FGD3: variants seen among roughly 807,000 people sequenced by gnomAD.
The protein encoded by FGD3 is FYVE, RhoGEF and PH domain-containing protein 3.
Under a neutral mutation model 71.8 loss-of-function variants are expected in FGD3, and 45 were observed. The observed-to-expected ratio is 0.63, with a 90% confidence interval of 0.49 to 0.80. The LOEUF is 0.80. Ranked by LOEUF, FGD3 falls within the 30% of genes least tolerant of loss-of-function variation. FGD3 has a pLI of 0.00. For synonymous variants in FGD3, 378 were observed against 392.8 expected, an observed-to-expected ratio of 0.96 and a Z score of 0.44; for missense variants, 844 against 951.5, an observed-to-expected ratio of 0.89 and a Z score of 1.49.
chr9:92,996,466 C>G (rs565673524), intron 3 of FGD3, among the ~76,000 whole-genome samples: 4 of 152,204 alleles, frequency 2.6e-5, no homozygotes, highest in African/African-American at 9.6e-5. Flanking sequence ...TTTTTTGTGT[C>G]TCTGTCTCCT....
chr9:93,032,698 C>A, intron 15 of FGD3, 71 bp from the exon 16 acceptor site: 1 of 1,449,194 alleles, frequency 6.9e-7, no homozygotes. Context: ...CCCACTCTAC[C>A]TCCTCTGGCA....
chr9:92,967,045 T>C, intron 1 of FGD3, among the ~76,000 whole-genome samples: 1 of 150,964 alleles, frequency 6.6e-6, no homozygotes, highest in East Asian at 2.0e-4. Context: ...CACTGCAACC[T>C]CCATCTCCCA....
chr9:93,027,987 G>A (rs10992590), intron 14 of FGD3, among the ~76,000 whole-genome samples: 23,156 of 151,934 alleles, frequency 0.15, 1,839 homozygotes, highest in South Asian at 0.17. Context: ...CCAAAGTGCT[G>A]GAATTACATG....
chr9:93,000,743 T>C (rs1564156604), intron 3 of FGD3, among the ~76,000 whole-genome samples: 1 of 152,206 alleles, frequency 6.6e-6, no homozygotes, highest in Non-Finnish European at 1.5e-5. Flanking sequence ...GACAGTTATA[T>C]AATTATAATA....
intron 8 of FGD3, among the ~76,000 whole-genome samples, chr9:93,012,870 C>A (rs1861491027): frequency 6.6e-6 from 1 of 151,754 alleles, no homozygotes; most frequent in African/African-American, 2.4e-5. Flanking sequence ...CACACCCAGC[C>A]CTCTTAGTGC....
intron 3 of FGD3, among the ~76,000 whole-genome samples, chr9:92,999,290 T>A (rs916899161): frequency 9.2e-5 from 14 of 152,170 alleles, no homozygotes; most frequent in Non-Finnish European, 2.1e-4. Flanking sequence ...GGATATAATC[T>A]CCTGGTGTGC....
Position 92,969,275 on chromosome 9 carries a change from G to A in FGD3, c.-217-5963G>A, listed in dbSNP as rs186884775. On this transcript the variant is annotated intron_variant, in intron 1 of 17. Transcript: ENST00000375482. This position sits in a 1 kb window ranked among gnomAD's most constrained non-coding sequence, Gnocchi z 4.5. ...GGCCTGGCTGCCACCTGCTGTCGGC[G>A]GGGATGCCCCCGCATGCCTCTCTGA... Among the ~76,000 whole-genome samples, 24 of 152,286 alleles carry A rather than the reference G, an allele frequency of 1.6e-4. No individual in the cohort carries two copies. Among genetic ancestry groups the A allele is most frequent in the African/African-American group, 5.3e-4 (22 of 41,566 alleles).
chr9:93,022,951 C>T lies in FGD3; in HGVS notation c.1557+562C>T, dbSNP rs1199543773. Among the ~76,000 whole-genome samples the T allele has an allele frequency of 7.2e-5, 11 of 152,286 alleles. No homozygotes were observed. In the East Asian group the frequency reaches 1.9e-3, roughly 27 times the overall value. ...GCCAGGCAGACTGTGTCCACGCGCCCGCCTGCCAGGGGATAGGGAACTGGG... is the reference window on the plus strand; with the variant it reads ...GCCAGGCAGACTGTGTCCACGCGCCTGCCTGCCAGGGGATAGGGAACTGGG... On this transcript the variant is annotated intron_variant, in intron 14 of 17. Transcript: ENST00000375482.
At chr9:92,980,631 A>G (rs900666251) in intron 3 of FGD3, among the ~76,000 whole-genome samples, 5 of 151,840 alleles carry the variant, frequency 3.3e-5, no homozygotes, top group Admixed American at 1.3e-4. Flanking sequence ...TGCATTCCAT[A>G]AGTATGATGA....
chr9:92,985,388 T>C (rs1860151546), intron 3 of FGD3, among the ~76,000 whole-genome samples: 1 of 152,244 alleles, frequency 6.6e-6, no homozygotes, highest in Non-Finnish European at 1.5e-5. Context: ...GGCACTGGGT[T>C]CTGAGGCTGA....
intron 14 of FGD3, among the ~76,000 whole-genome samples, chr9:93,028,290 T>C (rs1313805742): frequency 6.6e-6 from 1 of 150,640 alleles, no homozygotes; most frequent in African/African-American, 2.4e-5. Flanking sequence ...TTTATTCTGC[T>C]CAGCTACAGT....
In FGD3 at chr9:92,976,606, T is replaced by A; in HGVS notation, c.350T>A (p.Val117Asp). The change falls in exon 3 of 18, where the codon GTC becomes GAC. Residue 117 changes from valine (V) to aspartate (D), a missense_variant. Val to Asp is a radical substitution (Grantham distance 152). Transcript: ENST00000375482. ...AHAEMALDSQ[V>D]PKVTPQEEAD... ...GCAGAGATGGCCCTGGACAGCCAGG[T>A]CCCGAAGGTCACCCCCCAGGAGGAG... is the stretch of plus-strand genomic sequence containing the variant. 1 of 1,612,678 alleles carries A rather than the reference T, an allele frequency of 6.2e-7. No individual in the cohort carries two copies. Among genetic ancestry groups the A allele is most frequent in the Non-Finnish European group, 8.5e-7 (1 of 1,179,876 alleles).
chr9:92,990,617 C>T (rs373054007), intron 3 of FGD3, among the ~76,000 whole-genome samples: 12 of 151,998 alleles, frequency 7.9e-5, no homozygotes, highest in Admixed American at 2.0e-4. Context: ...TTGTTGAGGG[C>T]GTTTATAATA....
At chr9:92,950,464 C>T (rs998543328) in intron 1 of FGD3, among the ~76,000 whole-genome samples, 5 of 151,544 alleles carry the variant, frequency 3.3e-5, no homozygotes, top group Non-Finnish European at 7.4e-5. Context: ...GCAGGAAGAG[C>T]AGGTTGGATT....
In FGD3 at chr9:92,976,246, C is replaced by T. The variant is rs953580739; in HGVS notation, c.-11C>T. ...AGCCTCCACCTGAGCCCAGTGAGCT[C>T]AGCTTTAAGGATGGAGTCAGGCAGG... is the stretch of plus-strand genomic sequence containing the variant. On this transcript the variant is annotated 5_prime_UTR_variant, in exon 3 of 18. Coordinates refer to ENST00000375482, the MANE Select transcript of FGD3 (RefSeq NM_001083536.2). 7 of 1,558,490 alleles carry T rather than the reference C, an allele frequency of 4.5e-6. No homozygotes were observed. Among genetic ancestry groups the T allele is most frequent in the Non-Finnish European group, 6.1e-6 (7 of 1,147,696 alleles).
intron 3 of FGD3, among the ~76,000 whole-genome samples, chr9:92,998,477 T>G (rs1310228293): frequency 6.6e-6 from 1 of 152,200 alleles, no homozygotes; most frequent in East Asian, 1.9e-4. Context: ...TTTCGTCAAC[T>G]CACCAAAGTC....
At chr9:92,975,608 T>G (rs1859714348) in intron 2 of FGD3, among the ~76,000 whole-genome samples, 1 of 152,144 alleles carries the variant, frequency 6.6e-6, no homozygotes, top group African/African-American at 2.4e-5. Flanking sequence ...TGGGCCAGTG[T>G]GAGGTGGCTC....
chr9:92,976,005 C>A (rs1859738349), intron 2 of FGD3, among the ~76,000 whole-genome samples: 1 of 152,200 alleles, frequency 6.6e-6, no homozygotes, highest in African/African-American at 2.4e-5. Flanking sequence ...TTTCCATTTT[C>A]TGTTCTTTAA....
intron 3 of FGD3, among the ~76,000 whole-genome samples, chr9:92,997,066 A>G (rs918340434): frequency 2.0e-5 from 3 of 152,178 alleles, no homozygotes; most frequent in African/African-American, 7.2e-5. Context: ...TCTAATGTTG[A>G]CAGTGGGGTG....
Sources: allele counts gnomAD v4.1 joint callset (sites outside exome capture counted in the v4.1 genomes callset), GRCh38; gene constraint gnomAD v4.1.1; non-coding constraint Gnocchi (gnomAD v3.1); transcripts MANE v1.5; gene names NCBI Gene and HGNC (gene_info 2026-07-23, HGNC 2026-07-21).